The following ANO10 variants were observed in gnomAD, a reference collection of about 807,000 sequenced individuals.
ANO10 encodes the protein anoctamin 10.
ANO10 carries 77 observed loss-of-function variants against 74.7 expected under a neutral mutation model. The observed-to-expected ratio is 1.03, with a 90% CI of 0.86 to 1.25. ANO10 has a LOEUF of 1.25. ANO10 is among the 50% of genes most tolerant of loss of function. The pLI, the probability that ANO10 is intolerant of heterozygous loss-of-function variation, is 0.00. For synonymous variants in ANO10, 279 were observed against 284.9 expected (o/e 0.98, Z 0.21); for missense variants, 721 against 778.1 (o/e 0.93, Z 0.87).
chr3:43,621,597 T>G (rs1191207186), intron 1 of ANO10, among the ~76,000 whole-genome samples: 1 of 151,954 alleles, frequency 6.6e-6, no homozygotes, highest in Non-Finnish European at 1.5e-5. Context: ...GCCCCAAATT[T>G]CCGCCTCACC....
At chr3:43,676,924 G>A (rs1396341459) in intron 1 of ANO10, among the ~76,000 whole-genome samples, 1 of 152,122 alleles carries the variant, frequency 6.6e-6, no homozygotes, top group Non-Finnish European at 1.5e-5. Context: ...AAAGGGGGAT[G>A]ATTTCTATAA....
At chr3:43,545,598 T>A (rs886750746) in intron 11 of ANO10, among the ~76,000 whole-genome samples, 5 of 152,148 alleles carry the variant, frequency 3.3e-5, no homozygotes, top group African/African-American at 1.2e-4. Context: ...ACTCCTGACC[T>A]CAGGTGATCT....
intron 4 of ANO10, among the ~76,000 whole-genome samples, chr3:43,595,021 G>T (rs1477096332): frequency 6.6e-6 from 1 of 152,174 alleles, no homozygotes; most frequent in Non-Finnish European, 1.5e-5. Context: ...AGAAGAAATG[G>T]ATAAATTCCT....
At chr3:43,653,522 T>C (rs2083812044) in intron 1 of ANO10, among the ~76,000 whole-genome samples, 1 of 152,240 alleles carries the variant, frequency 6.6e-6, no homozygotes, top group South Asian at 2.1e-4. Context: ...ATAAATCAAA[T>C]GCTTAAAAAT....
chr3:43,629,703 T>C (rs1452204777), intron 1 of ANO10, among the ~76,000 whole-genome samples: 1 of 152,090 alleles, frequency 6.6e-6, no homozygotes, highest in East Asian at 1.9e-4. Context: ...AGATGTAAAG[T>C]ATGAGAGAAA....
At chr3:43,512,061 T>G (rs2077527975) in intron 11 of ANO10, among the ~76,000 whole-genome samples, 1 of 151,904 alleles carries the variant, frequency 6.6e-6, no homozygotes, top group Admixed American at 6.6e-5. Flanking sequence ...GGGGTGGGAG[T>G]GTGGAGAAGG....
intron 11 of ANO10, among the ~76,000 whole-genome samples, chr3:43,435,278 G>A (rs2093049634): frequency 1.3e-5 from 2 of 152,188 alleles, no homozygotes; most frequent in African/African-American, 4.8e-5. Flanking sequence ...AGAGGCTGAG[G>A]TGGGTGGATC....
chr3:43,425,200 CTT>C (rs74270681), intron 12 of ANO10, among the ~76,000 whole-genome samples: 37 of 131,018 alleles, frequency 2.8e-4, no homozygotes, highest in Admixed American at 2.3e-4. Flanking sequence ...TTTACTGTAA[CTT>C]TTTTTTTTTT....
intron 11 of ANO10, among the ~76,000 whole-genome samples, chr3:43,520,439 A>G (rs922207994): frequency 2.0e-5 from 3 of 152,176 alleles, no homozygotes; most frequent in African/African-American, 7.2e-5. Context: ...GGGGATAGAA[A>G]CAGACCACAG....
chr3:43,653,694 A>C (rs1330463647), intron 1 of ANO10, among the ~76,000 whole-genome samples: 1 of 152,216 alleles, frequency 6.6e-6, no homozygotes, highest in Non-Finnish European at 1.5e-5. Context: ...TAAATAAATC[A>C]TCAATAAATA....
chr3:43,439,141 G>T (rs948867941), intron 11 of ANO10, among the ~76,000 whole-genome samples: 1 of 151,886 alleles, frequency 6.6e-6, no homozygotes, highest in Admixed American at 6.6e-5. Flanking sequence ...AGCAGCAAGA[G>T]AAAAGTAATT....
chr3:43,566,163 T>C (rs1448641105), intron 7 of ANO10, among the ~76,000 whole-genome samples: 3 of 152,042 alleles, frequency 2.0e-5, no homozygotes, highest in Non-Finnish European at 4.4e-5. Flanking sequence ...GATTATATCC[T>C]GCACCTGGCT....
At chr3:43,542,045 A>C (rs2078980271) in intron 11 of ANO10, among the ~76,000 whole-genome samples, 1 of 152,196 alleles carries the variant, frequency 6.6e-6, no homozygotes, top group Non-Finnish European at 1.5e-5. Flanking sequence ...AGCATGGGCC[A>C]AAGGAGGAAA....
At chr3:43,633,090 T>C (rs1447591733) in intron 1 of ANO10, among the ~76,000 whole-genome samples, 1 of 152,206 alleles carries the variant, frequency 6.6e-6, no homozygotes, top group Non-Finnish European at 1.5e-5. Context: ...TTTTTGATGT[T>C]TTCTATTTTG....
chr3:43,459,487 C>T (rs2075286742), intron 11 of ANO10, among the ~76,000 whole-genome samples: 1 of 152,126 alleles, frequency 6.6e-6, no homozygotes. Context: ...AGAGGTCTCA[C>T]AGAAATATCT....
At chr3:43,531,974 A>G (rs1482548677) in intron 11 of ANO10, among the ~76,000 whole-genome samples, 3 of 151,582 alleles carry the variant, frequency 2.0e-5, no homozygotes, top group Admixed American at 1.3e-4. Flanking sequence ...TGCTTCACCC[A>G]ACAAACTTAA....
At chr3:43,499,059 C>T (rs2077010506) in intron 11 of ANO10, among the ~76,000 whole-genome samples, 1 of 152,134 alleles carries the variant, frequency 6.6e-6, no homozygotes. Context: ...TTACATTGAG[C>T]CTTCTCCACC....
rs573889000 is a variant in ANO10, at chr3:43,379,540, G to A, written c.1915-12566C>T. On this transcript the variant is annotated intron_variant, in intron 12 of 12. Coordinates refer to ENST00000292246, the MANE Select transcript of ANO10 (RefSeq NM_018075.5). ...ACAGACCCTTTAAAGGAGATGGACT[G>A]CCTCCAGGCTCTGTGGGACAGCCAG... Among the ~76,000 whole-genome samples the A allele has an allele frequency of 5.3e-5, 8 of 152,336 alleles. No individual in the cohort carries two copies. In the South Asian group the frequency reaches 1.4e-3, roughly 28 times the overall value.
intron 11 of ANO10, among the ~76,000 whole-genome samples, chr3:43,503,600 A>C (rs2077177554): frequency 6.6e-6 from 1 of 152,212 alleles, no homozygotes; most frequent in African/African-American, 2.4e-5. Flanking sequence ...CCCTTTGACT[A>C]ATATCGTTCT....
Sources: allele counts gnomAD v4.1 joint callset (sites outside exome capture counted in the v4.1 genomes callset), GRCh38; gene constraint gnomAD v4.1.1; transcripts MANE v1.5; gene names NCBI Gene and HGNC (gene_info 2026-07-23, HGNC 2026-07-21).